The following SAMD11 variants were observed in gnomAD, a reference collection of about 807,000 sequenced individuals.
The protein encoded by SAMD11 is sterile alpha motif domain containing 11.
A neutral mutation model predicts 64.4 loss-of-function variants in SAMD11; 77 were observed. The ratio of observed to expected loss-of-function variants is 1.20; its 90% CI spans 0.99 to 1.44. The LOEUF is 1.44. SAMD11 is among the 40% of genes most tolerant of loss of function. The pLI, the probability that SAMD11 is intolerant of heterozygous loss-of-function variation, is 0.00. For synonymous variants in SAMD11, 658 were observed against 421.9 expected (o/e 1.56, Z -6.86); for missense variants, 1,402 against 943.3 (o/e 1.49, Z -6.37).
chr1:942,679 GGCCCTGCTGGTGCTGAACCACGGCGCGGC>G lies in SAMD11; in HGVS notation c.1678_1706del (p.Leu560ThrfsTer48). On this transcript the variant is annotated frameshift_variant, in exon 11 of 14. Transcript: ENST00000616016. LOFTEE classifies it high-confidence loss of function. ...GCGCCGAGGAGCTGCAGCGGCGCGG[GGCCCTGCTGGTGCTGAACCACGGCGCGGC>G]GCCACTGCTGGCCCTGCCCCCCCAG... The G allele has an allele frequency of 7.0e-7, 1 of 1,433,746 alleles. No individual in the cohort carries two copies. Among genetic ancestry groups the G allele is most frequent in the Non-Finnish European group, 9.1e-7 (1 of 1,102,890 alleles). 88.8% of individuals were successfully genotyped at this position (1,433,746 alleles called of 1,614,324 possible).
At position 941,186 on chromosome 1, in the gene SAMD11, G is replaced by A; in HGVS notation, c.1238G>A (p.Arg413Lys). 2 of 1,602,408 alleles carry A rather than the reference G, an allele frequency of 1.2e-6. No individual in the cohort carries two copies. The highest frequency in any genetic ancestry group is 1.7e-5 in the Admixed American group (1 of 58,934). Residue 413 changes from arginine (R) to lysine (K), a missense_variant, in exon 8 of 14, where the codon AGG (arginine) becomes AAG (lysine). Coordinates refer to ENST00000616016, the MANE Select transcript of SAMD11 (RefSeq NM_001385641.1). Reference protein sequence around the residue: ...VRQEVAAAALRGPSGLEAHLP... With the variant: ...VRQEVAAAALKGPSGLEAHLP... ...CAGGAGGTGGCGGCTGCAGCTCTGA[G>A]GGGCCCCAGTGGCCTGGAAGCCCAC...
rs76842830 is a variant in SAMD11 at position 926,692 on chromosome 1, C to T, written c.609+679C>T. On this transcript the variant is annotated intron_variant, in intron 2 of 13. Coordinates refer to ENST00000616016, the MANE Select transcript of SAMD11 (RefSeq NM_001385641.1). ...GGGATGCTGGGAGCTGCCTTCTGCTCAGGGAGGCACCTGCACCCCCTACCC... is the reference window on the plus strand; with the variant it reads ...GGGATGCTGGGAGCTGCCTTCTGCTTAGGGAGGCACCTGCACCCCCTACCC... Among the ~76,000 whole-genome samples, 33 of 152,254 alleles carry T rather than the reference C, an allele frequency of 2.2e-4. No individual in the cohort carries two copies. In the East Asian group the frequency reaches 6.4e-3, roughly 29 times the overall value.
In SAMD11 at chr1:942,121, C is replaced by T. The variant is rs1161641829; in HGVS notation, c.1359-15C>T. On this transcript the variant is annotated splice_polypyrimidine_tract_variant and intron_variant, in intron 8 of 13. Transcript: ENST00000616016. ...GGGGCGGGGGGGACGCCGCTCATTG[C>T]GCTGCCGTCCACAGGGAGCTGCCTC... 4.9e-6 allele frequency: 5 copies of T among 1,027,270 alleles called. No homozygotes were observed. The highest frequency in any genetic ancestry group is 6.3e-5 in the East Asian group (2 of 31,986). The allele number at this position is 1,027,270 out of a possible 1,614,324, so 63.6% of individuals were successfully genotyped here.
At chr1:935,050 A>AG (rs923753093) in intron 4 of SAMD11, among the ~76,000 whole-genome samples, 1 of 152,074 alleles carries the variant, frequency 6.6e-6, no homozygotes, top group Non-Finnish European at 1.5e-5. Context: ...GGAACCGGGA[A>AG]GGGGTGGAGG....
chr1:931,161 C>CCTGCTGTCTGCTGT (rs1641154790), intron 4 of SAMD11, 72 bp downstream of exon 4: 6 of 1,393,106 alleles, frequency 4.3e-6, no homozygotes, highest in Non-Finnish European at 5.0e-6. Context: ...CTGACCGTGC[C>CCTGCTGTCTGCTGT]CTGCTGTCTG....
chr1:941,772 C>A (rs1380249472), intron 8 of SAMD11, among the ~76,000 whole-genome samples: 2 of 152,098 alleles, frequency 1.3e-5, no homozygotes, highest in East Asian at 3.9e-4. Flanking sequence ...GGCCCGAGTC[C>A]CTGCCCGGCC....
chr1:943,054 C>T lies in SAMD11; in HGVS notation c.2049C>T (p.His683=), dbSNP rs773838876. The change falls in exon 11 of 14, where the codon CAC becomes CAT. Residue 683 remains histidine, a synonymous_variant. Coordinates refer to ENST00000616016, the MANE Select transcript of SAMD11 (RefSeq NM_001385641.1). The part of the protein sequence containing the change: ...GFPYAVSPYF[H]TGAVGGLSMD... ...CTTATGCCGTCAGCCCCTACTTCCACACAGGTGGGCACCCCCACACTCTAG... is the reference window on the plus strand; with the variant it reads ...CTTATGCCGTCAGCCCCTACTTCCATACAGGTGGGCACCCCCACACTCTAG... 4 of 1,532,184 alleles carry T rather than the reference C, an allele frequency of 2.6e-6. No individual in the cohort carries two copies. The highest frequency in any genetic ancestry group is 2.8e-5 in the African/African-American group (2 of 71,806). 94.9% of individuals were successfully genotyped at this position (1,532,184 alleles called of 1,614,324 possible).
At position 942,739 on chromosome 1, in the gene SAMD11, C is replaced by T. The variant is rs1489600146; in HGVS notation, c.1734C>T (p.Pro578=). The T allele has an allele frequency of 1.3e-6, 2 of 1,483,568 alleles. No homozygotes were observed. Among genetic ancestry groups the T allele is most frequent in the East Asian group, 2.7e-5 (1 of 37,194 alleles). 91.9% of individuals were successfully genotyped at this position (1,483,568 alleles called of 1,614,324 possible). A position where few individuals can be genotyped will look rare whatever the true frequency, so the allele number is the denominator to read the frequency against. Residue 578 remains proline, a synonymous_variant, in exon 11 of 14, where the codon CCC becomes CCT. Coordinates refer to ENST00000616016, the MANE Select transcript of SAMD11 (RefSeq NM_001385641.1). ...TGCTGGCCCTGCCCCCCCAGGGGCC[C>T]CCGGGCTCCGGACCCCCCACCCCGT... ...APLLALPPQG[P]PGSGPPTPSR...
chr1:929,687 G>C (rs1641078507), intron 2 of SAMD11, among the ~76,000 whole-genome samples: 2 of 152,202 alleles, frequency 1.3e-5, no homozygotes, highest in African/African-American at 4.8e-5. Flanking sequence ...CAGATCCCAG[G>C]AGACACGCAG....
At chr1:941,981 C>G in intron 8 of SAMD11, 155 bp from the exon 9 acceptor site, 1 of 373,544 alleles carries the variant, frequency 2.7e-6, no homozygotes. Context: ...GCGCCGCCGG[C>G]GGGGGCGGGG....
In SAMD11 at chr1:944,142, C is replaced by T; in HGVS notation, c.2524C>T (p.Pro842Ser). ...LLPGAPDPSQPLC is the reference protein window; with the variant it reads ...LLPGAPDPSQSLC ...TCCAGGGGCCCCCGACCCTTCCCAG[C>T]CTCTGTGTTGAGGTTGCCGGGGGTA... is the stretch of plus-strand genomic sequence containing the variant. The change falls in exon 14 of 14, where the codon CCT (proline) becomes TCT (serine). Residue 842 changes from proline to serine, a missense_variant. Pro to Ser is a moderately conservative substitution (Grantham distance 74). Coordinates refer to ENST00000616016, the MANE Select transcript of SAMD11 (RefSeq NM_001385641.1). The T allele has an allele frequency of 1.3e-6, 2 of 1,572,024 alleles. No homozygotes were observed. The highest frequency in any genetic ancestry group is 1.7e-6 in the Non-Finnish European group (2 of 1,157,426).
rs1159093875 is a variant in SAMD11 at position 942,613 on chromosome 1, A to C, written c.1608A>C (p.Pro536=). 7.0e-7 allele frequency: 1 copy of C among 1,437,200 alleles called. No homozygotes were observed. The highest frequency in any genetic ancestry group is 1.5e-5 in the African/African-American group (1 of 66,706). The allele number at this position is 1,437,200 out of a possible 1,614,324, so 89.0% of individuals were successfully genotyped here. Reference sequence around the variant, plus strand: ...AGAAGGAGCTGGAGAGCGCGCGCCCACAGCTGCTGGCGCCCGAGACCGCCC... The same window carrying C: ...AGAAGGAGCTGGAGAGCGCGCGCCCCCAGCTGCTGGCGCCCGAGACCGCCC... ...LRQKELESAR[P]QLLAPETALR... Residue 536 remains proline, a synonymous_variant, in exon 11 of 14, where the codon CCA becomes CCC. Transcript: ENST00000616016.
At chr1:931,151 CT>C (rs1641153694) in intron 4 of SAMD11, 62 bp downstream of exon 4, 5 of 987,258 alleles carry the variant, frequency 5.1e-6, no homozygotes, top group Admixed American at 4.5e-5. Flanking sequence ...CCTCCCACCC[CT>C]GACCGTGCCC....
rs74047413 is a variant in SAMD11, at chr1:939,285, G to C, written c.1068G>C (p.Leu356=). Residue 356 remains leucine (L), a synonymous_variant, in exon 7 of 14, where the codon CTG becomes CTC. Coordinates refer to ENST00000616016, the MANE Select transcript of SAMD11 (RefSeq NM_001385641.1). ...GGTCCTCCCCAGCAGAGGCGCTGCT[G>C]CTGCCGCGGGAGCTGGGGCCCAGCA... ...ARSESPQEAL[L]LPRELGPSMA... The C allele has an allele frequency of 1.9e-5, 30 of 1,604,320 alleles. No individual in the cohort carries two copies. The African/African-American group carries it at 3.2e-4, about 17-fold the overall frequency.
intron 2 of SAMD11, among the ~76,000 whole-genome samples, chr1:928,308 C>A (rs987635959): frequency 1.3e-5 from 2 of 152,216 alleles, no homozygotes; most frequent in Non-Finnish European, 2.9e-5. Flanking sequence ...AGGAGAATGG[C>A]ATGAACCCGG....
Position 944,184 on chromosome 1 carries a change from A to G in SAMD11, c.*31A>G, listed in dbSNP as rs370993172. ...CCGGGGGTAGGGGTGGGGCCACACA[A>G]ATCTCCAGGAGCCACCACTCAACAC... On this transcript the variant is annotated 3_prime_UTR_variant, in exon 14 of 14. Coordinates refer to ENST00000616016, the MANE Select transcript of SAMD11 (RefSeq NM_001385641.1). The G allele has an allele frequency of 6.6e-7, 1 of 1,513,800 alleles. No homozygotes were observed. The highest frequency in any genetic ancestry group is 2.2e-5 in the Admixed American group (1 of 45,442). 93.8% of individuals were successfully genotyped at this position (1,513,800 alleles called of 1,614,324 possible). A position where few individuals can be genotyped will look rare whatever the true frequency, so the allele number is the denominator to read the frequency against.
chr1:928,216 A>T (rs973939746), intron 2 of SAMD11, among the ~76,000 whole-genome samples: 4 of 151,446 alleles, frequency 2.6e-5, no homozygotes, highest in Non-Finnish European at 5.9e-5. Context: ...ACACGGTGAA[A>T]CCCGTCTCTA....
At chr1:935,633 C>A in intron 4 of SAMD11, 139 bp from the exon 5 acceptor site, 2 of 1,176,304 alleles carry the variant, frequency 1.7e-6, no homozygotes, top group Non-Finnish European at 2.4e-6. Context: ...GGGCCACATG[C>A]CGAGGCGTGG....
chr1:937,215 C>T (rs997668029), intron 5 of SAMD11, among the ~76,000 whole-genome samples: 1 of 152,158 alleles, frequency 6.6e-6, no homozygotes, highest in African/African-American at 2.4e-5. Flanking sequence ...AGGAACCACA[C>T]ATCCATCCTG....
Sources: gnomAD v4.1 joint callset for allele counts (sites outside exome capture counted in the v4.1 genomes callset) on GRCh38, gnomAD v4.1.1 for gene constraint, MANE v1.5 for transcripts, NCBI Gene and HGNC (gene_info 2026-07-23, HGNC 2026-07-21) for gene names.